Variants in MFHAS1 observed in about 807,000 individuals in gnomAD.
MFHAS1 encodes the protein malignant fibrous histiocytoma-amplified sequence 1.
In MFHAS1, 50 loss-of-function variants were observed where a neutral mutation model predicts 70.4. The observed-to-expected ratio is 0.71, with a 90% CI of 0.57 to 0.90. The LOEUF is 0.90. Among genes scored for constraint, MFHAS1 ranks in the 40% least tolerant of loss-of-function variants. The probability of loss-of-function intolerance (pLI) is 0.00; values close to 1 mark genes in which losing one functional copy is unlikely to be tolerated. For missense variants in MFHAS1, 1,795 were observed against 1,347.6 expected (o/e 1.33, Z -5.20); for synonymous variants, 952 against 620.0 (o/e 1.54, Z -7.96).
intron 2 of MFHAS1, among the ~76,000 whole-genome samples, chr8:8,789,290 C>T (rs73517939): frequency 0.023 from 3,443 of 152,298 alleles, 142 homozygotes; most frequent in African/African-American, 0.078. Context: ...GGCTTACGGA[C>T]TCCTAGCTTG....
chr8:8,877,620 G>A (rs1172709114), intron 1 of MFHAS1, among the ~76,000 whole-genome samples: 1 of 152,200 alleles, frequency 6.6e-6, no homozygotes, highest in Non-Finnish European at 1.5e-5. Flanking sequence ...TAGTGAAAGT[G>A]ACCAGCAGCA....
At chr8:8,813,832 G>A (rs73519987) in intron 1 of MFHAS1, among the ~76,000 whole-genome samples, 4,526 of 152,114 alleles carry the variant, frequency 0.03, 237 homozygotes, top group African/African-American at 0.1. Flanking sequence ...CAGCAGTAAC[G>A]TCCTGAGCCT....
chr8:8,853,371 G>C (rs1258628093), intron 1 of MFHAS1, among the ~76,000 whole-genome samples: 1 of 150,528 alleles, frequency 6.6e-6, no homozygotes, highest in Non-Finnish European at 1.5e-5. Flanking sequence ...AAGCGGAAGG[G>C]AACCAGGATC....
intron 1 of MFHAS1, among the ~76,000 whole-genome samples, chr8:8,842,114 G>T (rs1287805083): frequency 6.6e-6 from 1 of 152,150 alleles, no homozygotes; most frequent in Non-Finnish European, 1.5e-5. Context: ...GTTTTCAAGG[G>T]AAGTCCTGAA....
chr8:8,829,052 C>G (rs557521409), intron 1 of MFHAS1, among the ~76,000 whole-genome samples: 2 of 152,302 alleles, frequency 1.3e-5, no homozygotes, highest in South Asian at 4.1e-4. Context: ...TCCTTGGACA[C>G]TGCAGAATGG....
intron 1 of MFHAS1, among the ~76,000 whole-genome samples, chr8:8,844,711 C>T (rs1009145915): frequency 6.6e-6 from 1 of 152,194 alleles, no homozygotes; most frequent in Non-Finnish European, 1.5e-5. Flanking sequence ...CTTCTCAAAG[C>T]TTAAATTATA....
At chr8:8,873,262 G>A (rs1271229602) in intron 1 of MFHAS1, among the ~76,000 whole-genome samples, 1 of 152,168 alleles carries the variant, frequency 6.6e-6, no homozygotes, top group Non-Finnish European at 1.5e-5. Flanking sequence ...AGCATGTTCA[G>A]GGAAAATGTG....
At chr8:8,827,831 A>G (rs1807221089) in intron 1 of MFHAS1, among the ~76,000 whole-genome samples, 1 of 152,204 alleles carries the variant, frequency 6.6e-6, no homozygotes. Flanking sequence ...GATATATTTA[A>G]AATTTACTCA....
At position 8,891,961 on chromosome 8, in the gene MFHAS1, C is replaced by A; in HGVS notation, c.1098G>T (p.Arg366=). The change falls in exon 1 of 3, where the codon CGG becomes CGT. Residue 366 remains arginine (R), a synonymous_variant. Coordinates refer to ENST00000276282, the MANE Select transcript of MFHAS1 (RefSeq NM_004225.3). This position sits in a 1 kb window ranked among gnomAD's most constrained non-coding sequence, Gnocchi z 5.4. ...TGTCTTTGATCTTCCACAAACCCAC[C>A]CGGGAGAGCTGGCCAAAGTGGTCGG... ...VLPDHFGQLS[R]VGLWKIKDNP... 6.2e-7 allele frequency: 1 copy of A among 1,612,086 alleles called. No individual in the cohort carries two copies. The highest frequency in any genetic ancestry group is 8.5e-7 in the Non-Finnish European group (1 of 1,179,104).
rs148333438 is a variant in MFHAS1 at position 8,861,541 on chromosome 8, T to C, written c.2998+28520A>G. Among the ~76,000 whole-genome samples, 590 of 152,272 alleles carry C rather than the reference T, an allele frequency of 3.9e-3. 6 individuals are homozygous for C. Among genetic ancestry groups the C allele is most frequent in the African/African-American group, 0.013 (556 of 41,546 alleles). On this transcript the variant is annotated intron_variant, in intron 1 of 2. Coordinates refer to ENST00000276282, the MANE Select transcript of MFHAS1 (RefSeq NM_004225.3). ...GCATGTTTCAGGACATCTAAGGAAA[T>C]CGTATAATCAAAACTTATTTTTTAA...
Position 8,890,922 on chromosome 8 carries a change from G to C in MFHAS1, c.2137C>G (p.Leu713Val). Reference sequence around the variant, plus strand: ...GCCGGACTGTCCTCAAAGTAGAGTAGCTTGCCGCTCTCATGCAGGTAGGAG... The same window carrying C: ...GCCGGACTGTCCTCAAAGTAGAGTACCTTGCCGCTCTCATGCAGGTAGGAG... ...ALSYLHESGK[L>V]LYFEDSPALK... Residue 713 changes from leucine (L) to valine (V), a missense_variant, in exon 1 of 3, where the codon CTA (leucine) becomes GTA (valine). By Grantham distance (32) the Leu-to-Val change is conservative. Coordinates refer to ENST00000276282, the MANE Select transcript of MFHAS1 (RefSeq NM_004225.3). 1.2e-6 allele frequency: 2 copies of C among 1,614,130 alleles called. No homozygotes were observed. Among genetic ancestry groups the C allele is most frequent in the Non-Finnish European group, 1.7e-6 (2 of 1,180,036 alleles).
chr8:8,845,091 C>A (rs143590313), intron 1 of MFHAS1, among the ~76,000 whole-genome samples: 1 of 152,236 alleles, frequency 6.6e-6, no homozygotes, highest in African/African-American at 2.4e-5. Flanking sequence ...TGTGTTTTTC[C>A]CTTTAGAGTT....
At chr8:8,826,740 A>G (rs1385597656) in intron 1 of MFHAS1, among the ~76,000 whole-genome samples, 2 of 152,120 alleles carry the variant, frequency 1.3e-5, no homozygotes, top group Non-Finnish European at 2.9e-5. Context: ...CTCAAAAAAG[A>G]GCTGGTTGGA....
chr8:8,834,013 C>G (rs1807506617), intron 1 of MFHAS1, among the ~76,000 whole-genome samples: 1 of 152,234 alleles, frequency 6.6e-6, no homozygotes, highest in African/African-American at 2.4e-5. Context: ...GTAATCCCAG[C>G]TACTCAGGAG....
At position 8,890,330 on chromosome 8, in the gene MFHAS1, G is replaced by A. The variant is rs760378998; in HGVS notation, c.2729C>T (p.Ser910Leu). 1.9e-6 allele frequency: 3 copies of A among 1,614,154 alleles called. No individual in the cohort carries two copies. Among genetic ancestry groups the A allele is most frequent in the Non-Finnish European group, 1.7e-6 (2 of 1,180,038 alleles). The change falls in exon 1 of 3, where the codon TCG becomes TTG. Residue 910 changes from serine to leucine, a missense_variant. Transcript: ENST00000276282. Reference sequence around the variant, plus strand: ...GGCAAAGATCTGAAATTTACCATCCGACCTGTGCACCACATGGCTGTTGAT... The same window carrying A: ...GGCAAAGATCTGAAATTTACCATCCAACCTGTGCACCACATGGCTGTTGAT... The part of the protein sequence containing the change: ...VQINSHVVHR[S>L]DGKFQIFAYR...
Position 8,850,099 on chromosome 8 carries a change from G to C in MFHAS1, c.2998+39962C>G, listed in dbSNP as rs550507214. On this transcript the variant is annotated intron_variant, in intron 1 of 2. Transcript: ENST00000276282. ...TTGTATGATTCTTGACTAGGTTTGA[G>C]GCTACCAAAACCAAAAATCAGTGTG... 2.0e-5 allele frequency among the ~76,000 whole-genome samples: 3 copies of C among 152,278 alleles called. No homozygotes were observed. In the East Asian group the frequency reaches 5.8e-4, roughly 29 times the overall value.
intron 1 of MFHAS1, among the ~76,000 whole-genome samples, chr8:8,831,541 C>G (rs1443974336): frequency 1.3e-5 from 2 of 151,924 alleles, no homozygotes; most frequent in African/African-American, 4.8e-5. Context: ...CTACAAGAAT[C>G]AGGGTAATGT....
rs2116951119 is a variant in MFHAS1 at position 8,890,994 on chromosome 8, A to G, written c.2065T>C (p.Leu689=). 6.2e-7 allele frequency: 1 copy of G among 1,613,940 alleles called. No homozygotes were observed. Among genetic ancestry groups the G allele is most frequent in the South Asian group, 1.1e-5 (1 of 91,068 alleles). Residue 689 remains leucine, a synonymous_variant, in exon 1 of 3, where the codon TTG becomes CTG. Transcript: ENST00000276282. ...TCGGTCAGACCCGCCTGCAGGCCCA[A>G]GCGCGCCGAGTCCCACCAGCTTAGC... The part of the protein sequence containing the change: ...LWLSWWDSAR[L]GLQAGLTEDR...
intron 1 of MFHAS1, among the ~76,000 whole-genome samples, chr8:8,888,674 G>C (rs1809866614): frequency 6.6e-6 from 1 of 152,198 alleles, no homozygotes; most frequent in African/African-American, 2.4e-5. Context: ...TATGGAGACA[G>C]TAAAAAGATC....
Sources: gnomAD v4.1 joint callset for allele counts (sites outside exome capture counted in the v4.1 genomes callset) on GRCh38, gnomAD v4.1.1 for gene constraint, Gnocchi (gnomAD v3.1) non-coding constraint, MANE v1.5 for transcripts, NCBI Gene and HGNC (gene_info 2026-07-23, HGNC 2026-07-21) for gene names.